PRDM15: variants seen among roughly 807,000 people sequenced by gnomAD.
PRDM15 encodes the protein PR/SET domain 15.
PRDM15 carries 64 observed loss-of-function variants against 128.6 expected under a neutral mutation model. That is an observed-to-expected ratio of 0.50 (90% confidence interval 0.41 to 0.61). PRDM15 has a LOEUF of 0.61. PRDM15 is among the 20% of genes least tolerant of loss of function. The pLI, the probability that PRDM15 is intolerant of heterozygous loss-of-function variation, is 0.00. For synonymous variants in PRDM15, 615 were observed against 621.8 expected (o/e 0.99, Z 0.16); for missense variants, 1,242 against 1,569.1 (o/e 0.79, Z 3.52).
Position 41,867,313 on chromosome 21 carries a change from A to T in PRDM15, c.-9-6941T>A, listed in dbSNP as rs557599667. 79 of 1,613,580 alleles carry T rather than the reference A, an allele frequency of 4.9e-5. 1 individual carries two copies. The South Asian group carries it at 7.0e-4, about 14-fold the overall frequency. On this transcript the variant is annotated intron_variant, in intron 1 of 23. Coordinates refer to ENST00000398548, the MANE Select transcript of PRDM15 (RefSeq NM_001040424.3). ...TCTAGCCCTGACCTCCTCCGTTCGC[A>T]ATCTTCCCCAGGGCTGGGGGCAGAT...
chr21:41,820,455 C>A (rs969393228), intron 16 of PRDM15, among the ~76,000 whole-genome samples: 1 of 152,178 alleles, frequency 6.6e-6, no homozygotes, highest in East Asian at 1.9e-4. Flanking sequence ...TGGTCCCTGA[C>A]CAATCTGACC....
intron 16 of PRDM15, among the ~76,000 whole-genome samples, chr21:41,820,749 C>A (rs1200669847): frequency 1.3e-5 from 2 of 152,236 alleles, no homozygotes; most frequent in African/African-American, 4.8e-5. Flanking sequence ...TCAGATGTGG[C>A]CTGGCATTAA....
chr21:41,806,867 C>CATCACCATCA (rs2061693844), intron 21 of PRDM15, among the ~76,000 whole-genome samples: 151 of 134,696 alleles, frequency 1.1e-3, no homozygotes, highest in African/African-American at 4.2e-3. Context: ...CCACTACCAC[C>CATCACCATCA]GCCATCACCA....
chr21:41,857,414 A>G (rs1473614582), intron 3 of PRDM15, 85 bp from the exon 4 acceptor site: 4 of 1,407,558 alleles, frequency 2.8e-6, no homozygotes, highest in Admixed American at 3.8e-5. Context: ...GCTCGCCCTC[A>G]CTGACCGCCA....
rs2062562140 is a variant in PRDM15 at position 41,828,736 on chromosome 21, ACCAACCAACCAC to A, written c.1367-415_1367-404del. Among the ~76,000 whole-genome samples, 1 of 145,332 alleles carries A rather than the reference ACCAACCAACCAC, an allele frequency of 6.9e-6. No individual in the cohort carries two copies. The highest frequency in any genetic ancestry group is 2.2e-4 in the South Asian group (1 of 4,478). ...GATAGAATGACCTACCTACCAACCA[ACCAACCAACCAC>A]CCGAGCAACTGACCACCCGACCAAT... On this transcript the variant is annotated intron_variant, in intron 11 of 23. Coordinates refer to ENST00000398548, the MANE Select transcript of PRDM15 (RefSeq NM_001040424.3). This position sits in a 1 kb window ranked among gnomAD's most constrained non-coding sequence, Gnocchi z 5.7.
intron 10 of PRDM15, 128 bp from the exon 11 acceptor site, chr21:41,835,652 G>A (rs1430677788): frequency 3.5e-5 from 24 of 683,162 alleles, no homozygotes; most frequent in East Asian, 2.7e-4. Flanking sequence ...CCACCCTCCC[G>A]CTCTATTTAG....
At chr21:41,802,321 C>T (rs866941895) in intron 23 of PRDM15, among the ~76,000 whole-genome samples, 80 of 152,202 alleles carry the variant, frequency 5.3e-4, no homozygotes, top group African/African-American at 1.9e-3. Flanking sequence ...GGATTGTCTT[C>T]ACCTTCCAGA....
In PRDM15 at chr21:41,862,919, C is replaced by T. The variant is rs117429474; in HGVS notation, c.-9-2547G>A. On this transcript the variant is annotated intron_variant, in intron 1 of 23. Coordinates refer to ENST00000398548, the MANE Select transcript of PRDM15 (RefSeq NM_001040424.3). The surrounding 1 kb of genome is among the most constrained non-coding windows in gnomAD (Gnocchi z 4.1). Reference sequence around the variant, plus strand: ...GGCGTGTGGCTCACGTCTGTAATCCCAGCACTTTCAGAGATGAGGACGGGC... The same window carrying T: ...GGCGTGTGGCTCACGTCTGTAATCCTAGCACTTTCAGAGATGAGGACGGGC... Among the ~76,000 whole-genome samples, 8,763 of 152,134 alleles carry T rather than the reference C, an allele frequency of 0.058. 340 individuals are homozygous for T. The highest frequency in any genetic ancestry group is 0.14 in the Middle Eastern group (40 of 294).
At chr21:41,857,127 G>A (rs369616344) in intron 4 of PRDM15, 49 bp downstream of exon 4, 51 of 1,563,458 alleles carry the variant, frequency 3.3e-5, no homozygotes, top group East Asian at 2.5e-4. Flanking sequence ...ACATGGGAAC[G>A]CCAGAAAAAC....
chr21:41,859,215 T>C lies in PRDM15; in HGVS notation c.131+377A>G. The C allele has an allele frequency of 6.2e-7, 1 of 1,613,784 alleles. No individual in the cohort carries two copies. The highest frequency in any genetic ancestry group is 8.5e-7 in the Non-Finnish European group (1 of 1,179,908). ...CCCGCCTGGGTGTGCACGTGTCCGCTGGCAGGCCAAGACCTGGAATGCAGA... is the reference window on the plus strand; with the variant it reads ...CCCGCCTGGGTGTGCACGTGTCCGCCGGCAGGCCAAGACCTGGAATGCAGA... On this transcript the variant is annotated intron_variant, in intron 3 of 23. Transcript: ENST00000398548. The surrounding 1 kb of genome is among the most constrained non-coding windows in gnomAD (Gnocchi z 5.3).
intron 1 of PRDM15, chr21:41,861,611 G>A: frequency 6.2e-7 from 1 of 1,613,994 alleles, no homozygotes; most frequent in South Asian, 1.1e-5. Context: ...TTGCTGAGTG[G>A]TTTAGGAAAG....
At chr21:41,834,499 G>C (rs1169535994) in intron 11 of PRDM15, 6 of 1,550,100 alleles carry the variant, frequency 3.9e-6, no homozygotes, top group Non-Finnish European at 5.2e-6. Context: ...GGCGTCGAAG[G>C]CTAACCTGGT....
chr21:41,818,214 G>A (rs550153537), intron 18 of PRDM15, among the ~76,000 whole-genome samples: 63 of 152,328 alleles, frequency 4.1e-4, no homozygotes, highest in African/African-American at 1.5e-3. Flanking sequence ...TAAGGCAGAC[G>A]CGGATAAAGA....
At chr21:41,861,537 C>CA (rs756420180) in intron 1 of PRDM15, 21 of 1,543,138 alleles carry the variant, frequency 1.4e-5, no homozygotes, top group Middle Eastern at 2.3e-4. Flanking sequence ...CTCCTCTGCC[C>CA]CCCCCCAATC....
chr21:41,807,145 A>C (rs1454239154), intron 21 of PRDM15, among the ~76,000 whole-genome samples: 1 of 152,234 alleles, frequency 6.6e-6, no homozygotes, highest in Non-Finnish European at 1.5e-5. Flanking sequence ...AGCTGACGCC[A>C]TCAAAGAACC....
At chr21:41,875,404 A>G (rs1199962091) in intron 1 of PRDM15, among the ~76,000 whole-genome samples, 2 of 152,256 alleles carry the variant, frequency 1.3e-5, no homozygotes, top group Non-Finnish European at 2.9e-5. Context: ...CAGTATCCCC[A>G]TGAAAATATT....
intron 18 of PRDM15, among the ~76,000 whole-genome samples, chr21:41,816,575 G>A (rs2062060355): frequency 6.6e-6 from 1 of 152,198 alleles, no homozygotes. Context: ...TCCACATTTG[G>A]GGAAGAACTA....
rs1428513031 is a variant in PRDM15 at position 41,800,394 on chromosome 21, C to T, written c.*846G>A. 1 of 152,226 alleles carries T rather than the reference C, an allele frequency of 6.6e-6. No individual in the cohort carries two copies. Among genetic ancestry groups the T allele is most frequent in the African/African-American group, 2.4e-5 (1 of 41,304 alleles). The allele number at this position is 152,226 out of a possible 1,614,324, so 9.4% of individuals were successfully genotyped here. ...CATCTGGGCAGCTGTGAAGGGTGGA[C>T]AGGGACAGATGGTCCTACAGTGCAC... On this transcript the variant is annotated 3_prime_UTR_variant, in exon 24 of 24. Coordinates refer to ENST00000398548, the MANE Select transcript of PRDM15 (RefSeq NM_001040424.3).
Position 41,811,038 on chromosome 21 carries a change from C to CAAAT in PRDM15, c.2393-203_2393-202insATTT. 1 of 538,910 alleles carries CAAAT rather than the reference C, an allele frequency of 1.9e-6. No homozygotes were observed. The highest frequency in any genetic ancestry group is 2.5e-5 in the South Asian group (1 of 39,278). 33.4% of individuals were successfully genotyped at this position (538,910 alleles called of 1,614,324 possible). ...TGGAAAGTTTATGCTTCCATAGTGA[C>CAAAT]ATTTCATATCAAAAAAACATGAGAT... is the stretch of plus-strand genomic sequence containing the variant. On this transcript the variant is annotated intron_variant, in intron 19 of 23. Coordinates refer to ENST00000398548, the MANE Select transcript of PRDM15 (RefSeq NM_001040424.3). This position sits in a 1 kb window ranked among gnomAD's most constrained non-coding sequence, Gnocchi z 4.1.
Sources: allele counts gnomAD v4.1 joint callset (sites outside exome capture counted in the v4.1 genomes callset), GRCh38; gene constraint gnomAD v4.1.1; non-coding constraint Gnocchi (gnomAD v3.1); transcripts MANE v1.5; gene names NCBI Gene and HGNC (gene_info 2026-07-23, HGNC 2026-07-21).